The following GNB4 variants were observed in gnomAD, a reference collection of about 807,000 sequenced individuals.
GNB4 encodes the protein guanine nucleotide-binding protein subunit beta-4.
Under a neutral mutation model 45.2 loss-of-function variants are expected in GNB4, and 28 were observed. The observed-to-expected ratio is 0.62, with a 90% CI of 0.46 to 0.85. GNB4 has a LOEUF of 0.85. Among genes scored for constraint, GNB4 ranks in the 40% least tolerant of loss-of-function variants. The probability of loss-of-function intolerance (pLI) is 0.00; values close to 1 mark genes in which losing one functional copy is unlikely to be tolerated. For synonymous variants in GNB4, 132 were observed against 143.7 expected (o/e 0.92, Z 0.58); for missense variants, 321 against 425.4 (o/e 0.75, Z 2.16).
chr3:179,420,919 C>T lies in GNB4; in HGVS notation c.66G>A (p.Arg22=), dbSNP rs766580658. 3.8e-6 allele frequency: 6 copies of T among 1,583,406 alleles called. No individual in the cohort carries two copies. In the East Asian group the frequency reaches 1.4e-4, roughly 36 times the overall value. The change falls in exon 3 of 10, where the codon CGG becomes CGA. Residue 22 remains arginine (R), a synonymous_variant. Transcript: ENST00000232564. Reference sequence around the variant, plus strand: ...CAAGCGTTGCATCATTACATGCTTTCCGAGCATCCTGAAGTAAAAAAATAT... The same window carrying T: ...CAAGCGTTGCATCATTACATGCTTTTCGAGCATCCTGAAGTAAAAAAATAT... The part of the protein sequence containing the change: ...EQLRNQIQDA[R]KACNDATLVQ...
chr3:179,498,925 C>G, the GNB4 span, among the ~76,000 whole-genome samples: 35 of 151,986 alleles, frequency 2.3e-4, no homozygotes, highest in African/African-American at 7.3e-4. Flanking sequence ...TAGCCCCCAA[C>G]TCTTCAACAG....
At chr3:179,436,482 T>C (rs1226225318) in intron 1 of GNB4, among the ~76,000 whole-genome samples, 2 of 152,258 alleles carry the variant, frequency 1.3e-5, no homozygotes, top group Non-Finnish European at 2.9e-5. Flanking sequence ...TAATTTTTAA[T>C]TTGGTGTAAA....
At chr3:179,451,558 G>A (rs571771627), upstream of GNB4, 5 of 150,526 alleles carry the variant, frequency 3.3e-5, no homozygotes, top group African/African-American at 1.2e-4. Context: ...CGCGAGGCAC[G>A]AGGCGCGCGG....
At chr3:179,422,463 G>GAA (rs1164930213) in intron 2 of GNB4, among the ~76,000 whole-genome samples, 5 of 130,326 alleles carry the variant, frequency 3.8e-5, no homozygotes, top group South Asian at 2.5e-4. Flanking sequence ...CCTGTCTCTG[G>GAA]AAAAAAAAAA....
chr3:179,422,112 T>A (rs556900890), intron 2 of GNB4, among the ~76,000 whole-genome samples: 140 of 152,308 alleles, frequency 9.2e-4, no homozygotes, highest in Non-Finnish European at 1.4e-3. Context: ...GTCAAAAATC[T>A]CTGCCCTCAT....
chr3:179,470,772 G>A, the GNB4 span, among the ~76,000 whole-genome samples: 3 of 151,792 alleles, frequency 2.0e-5, no homozygotes, highest in Admixed American at 6.6e-5. Context: ...CTCGATCACC[G>A]TGCCCGCAAG....
chr3:179,456,186 A>T (rs929896590), upstream of GNB4, among the ~76,000 whole-genome samples: 1 of 144,868 alleles, frequency 6.9e-6, no homozygotes, highest in Admixed American at 7.3e-5. Flanking sequence ...ATCTCAGCTC[A>T]TTGCAACCTC....
chr3:179,465,421 G>T, the GNB4 span: 1 of 478,434 alleles, frequency 2.1e-6, no homozygotes, highest in Non-Finnish European at 3.8e-6. Context: ...GGCTAACATG[G>T]TGAAACCCCC....
Position 179,440,880 on chromosome 3 carries a change from T to TAGAG in GNB4, c.-43+10462_-43+10465dup, listed in dbSNP as rs141411562. Among the ~76,000 whole-genome samples the TAGAG allele has an allele frequency of 3.3e-3, 485 of 149,104 alleles. 1 individual carries two copies. The highest frequency in any genetic ancestry group is 3.6e-3 in the South Asian group (17 of 4,712). ...AAAAATTCCTATATATATAGATAGA[T>TAGAG]AGAGAGAGAGAGAGAGAGAGAGATA... On this transcript the variant is annotated intron_variant, in intron 1 of 9. Coordinates refer to ENST00000232564, the MANE Select transcript of GNB4 (RefSeq NM_021629.4).
chr3:179,518,608 C>T, the GNB4 span, among the ~76,000 whole-genome samples: 46 of 152,286 alleles, frequency 3.0e-4, no homozygotes, highest in Middle Eastern at 3.4e-3. Context: ...TCTTCACACT[C>T]GGTCCGGCTA....
chr3:179,455,042 C>T (rs182173263), upstream of GNB4, among the ~76,000 whole-genome samples: 1 of 152,244 alleles, frequency 6.6e-6, no homozygotes. Flanking sequence ...TATCAAAGTA[C>T]AGTTTGTACT....
intron 8 of GNB4, chr3:179,410,396 TAAC>T (rs1382049532): frequency 6.6e-6 from 1 of 152,188 alleles, no homozygotes; most frequent in Non-Finnish European, 1.5e-5. Flanking sequence ...AAGGCTGCCA[TAAC>T]AAAGCACCAC....
At chr3:179,480,496 T>C in the GNB4 span, among the ~76,000 whole-genome samples, 1 of 152,116 alleles carries the variant, frequency 6.6e-6, no homozygotes, top group Non-Finnish European at 1.5e-5. Flanking sequence ...TTAGCTGCCA[T>C]CATTCTCAAG....
At chr3:179,444,733 A>G (rs1289249140) in intron 1 of GNB4, among the ~76,000 whole-genome samples, 2 of 152,186 alleles carry the variant, frequency 1.3e-5, no homozygotes. Context: ...ACATGCATAC[A>G]TATATAATTT....
chr3:179,426,893 A>T (rs1304882479), intron 1 of GNB4, among the ~76,000 whole-genome samples: 1 of 152,154 alleles, frequency 6.6e-6, no homozygotes, highest in Admixed American at 6.5e-5. Flanking sequence ...CTAGAGATCC[A>T]TTTAAAATAC....
At chr3:179,438,973 T>C (rs939172805) in intron 1 of GNB4, among the ~76,000 whole-genome samples, 1 of 152,218 alleles carries the variant, frequency 6.6e-6, no homozygotes, top group Non-Finnish European at 1.5e-5. Context: ...CCAGGGTTGA[T>C]AACCACTAAT....
At chr3:179,482,462 A>G in the GNB4 span, among the ~76,000 whole-genome samples, 1 of 152,232 alleles carries the variant, frequency 6.6e-6, no homozygotes, top group African/African-American at 2.4e-5. Flanking sequence ...TTTCTAAAAA[A>G]TAGCAATTCT....
rs1475630193 is a variant in GNB4, at chr3:179,399,803, A to C, written c.*1410T>G. ...GTTACAAAACAATGCACGTCTATAT[A>C]TCAGAATAATCCAAGACTTTACCAT... On this transcript the variant is annotated 3_prime_UTR_variant, in exon 10 of 10. Transcript: ENST00000232564. 1 of 152,254 alleles carries C rather than the reference A, an allele frequency of 6.6e-6. No individual in the cohort carries two copies. The highest frequency in any genetic ancestry group is 1.5e-5 in the Non-Finnish European group (1 of 68,046). 9.4% of individuals were successfully genotyped at this position (152,254 alleles called of 1,614,324 possible).
At chr3:179,488,686 T>A in the GNB4 span, among the ~76,000 whole-genome samples, 1 of 152,018 alleles carries the variant, frequency 6.6e-6, no homozygotes, top group African/African-American at 2.4e-5. Context: ...TGTTCGTGAC[T>A]CTAAAATACC....
Sources: allele counts gnomAD v4.1 joint callset (sites outside exome capture counted in the v4.1 genomes callset), GRCh38; gene constraint gnomAD v4.1.1; transcripts MANE v1.5; gene names NCBI Gene and HGNC (gene_info 2026-07-23, HGNC 2026-07-21).